Variants in USF2 observed in about 807,000 individuals in gnomAD.
The protein encoded by USF2 is upstream transcription factor 2, c-fos interacting.
In USF2, 16 loss-of-function variants were observed where a neutral mutation model predicts 46.9. The observed-to-expected ratio is 0.34, with a 90% CI of 0.23 to 0.52. The LOEUF (loss-of-function observed/expected upper bound fraction) is 0.52. Ranked by LOEUF, USF2 falls within the 20% of genes least tolerant of loss-of-function variation. The pLI, the probability that USF2 is intolerant of heterozygous loss-of-function variation, is 0.96. For synonymous variants in USF2, 239 were observed against 194.1 expected (o/e 1.23, Z -1.92); for missense variants, 411 against 474.0 (o/e 0.87, Z 1.23).
At position 35,279,201 on chromosome 19, in the gene USF2, G is replaced by A. The variant is rs755152354; in HGVS notation, c.986G>A (p.Arg329Gln). Reference sequence around the variant, plus strand: ...CTGAAGAATGAGAACGCCCTGCTTCGAGCCCAGCTGCAGCAGCACAACCTG... The same window carrying A: ...CTGAAGAATGAGAACGCCCTGCTTCAAGCCCAGCTGCAGCAGCACAACCTG... Reference protein sequence around the residue: ...EELKNENALLRAQLQQHNLEM... With the variant: ...EELKNENALLQAQLQQHNLEM... Residue 329 changes from arginine (R) to glutamine (Q), a missense_variant, in exon 10 of 10, where the codon CGA becomes CAA. Physicochemically the swap from Arg to Gln is conservative, Grantham distance 43. This residue lies in a region of USF2 where 93 missense variants were observed against 151.6 expected (regional missense o/e 0.61). Transcript: ENST00000222305. 1.0e-5 allele frequency: 16 copies of A among 1,597,612 alleles called. No homozygotes were observed. Among genetic ancestry groups the A allele is most frequent in the South Asian group, 5.6e-5 (5 of 89,194 alleles).
intron 6 of USF2, 120 bp downstream of exon 6, chr19:35,270,925 C>A: frequency 7.0e-7 from 1 of 1,433,016 alleles, no homozygotes; most frequent in Non-Finnish European, 9.7e-7. Context: ...TTTTCTTTGC[C>A]TGTTTCTGCT....
intron 7 of USF2, among the ~76,000 whole-genome samples, chr19:35,276,678 C>T (rs2066238024): frequency 6.6e-6 from 1 of 152,216 alleles, no homozygotes; most frequent in Non-Finnish European, 1.5e-5. Flanking sequence ...CAGCTGCCTG[C>T]CTTAGAGTCT....
At chr19:35,272,496 G>A (rs961088028) in intron 7 of USF2, among the ~76,000 whole-genome samples, 6 of 152,186 alleles carry the variant, frequency 3.9e-5, no homozygotes, top group African/African-American at 1.2e-4. Flanking sequence ...CCGCCATGGT[G>A]TGTCTGCAGA....
Position 35,269,861 on chromosome 19 carries a change from C to G in USF2, c.287C>G (p.Ala96Gly). The change falls in exon 4 of 10, where the codon GCT becomes GGT. Residue 96 changes from alanine to glycine, a missense_variant. Physicochemically the swap from Ala to Gly is moderately conservative, Grantham distance 60. Transcript: ENST00000222305. ...DGQLDGQGDT[A>G]GAVSVVSTAA... Reference sequence around the variant, plus strand: ...CAGCTGGACGGCCAGGGCGACACAGCTGGCGCCGTCAGCGTCGTGTCCACC... The same window carrying G: ...CAGCTGGACGGCCAGGGCGACACAGGTGGCGCCGTCAGCGTCGTGTCCACC... 1 of 1,426,062 alleles carries G rather than the reference C, an allele frequency of 7.0e-7. No homozygotes were observed. The highest frequency in any genetic ancestry group is 9.1e-7 in the Non-Finnish European group (1 of 1,098,568). 88.3% of individuals were successfully genotyped at this position (1,426,062 alleles called of 1,614,324 possible).
chr19:35,279,386 AAAC>A lies in USF2; in HGVS notation c.*131_*133del, dbSNP rs2066280427. The stretch of plus-strand genomic sequence containing the variant: ...TTTTTTATAGTAGATTTTTAACAAA[AAAC>A]GGGGAGAAATAATGCATTTCTGTGG... On this transcript the variant is annotated 3_prime_UTR_variant, in exon 10 of 10. Coordinates refer to ENST00000222305, the MANE Select transcript of USF2 (RefSeq NM_003367.4). 9.6e-7 allele frequency: 1 copy of A among 1,047,022 alleles called. No homozygotes were observed. Among genetic ancestry groups the A allele is most frequent in the Non-Finnish European group, 1.3e-6 (1 of 765,638 alleles). The allele number at this position is 1,047,022 out of a possible 1,614,324, so 64.9% of individuals were successfully genotyped here.
chr19:35,279,201 G>T lies in USF2; in HGVS notation c.986G>T (p.Arg329Leu), dbSNP rs755152354. The change falls in exon 10 of 10, where the codon CGA becomes CTA. Residue 329 changes from arginine to leucine, a missense_variant. By Grantham distance (102) the Arg-to-Leu change is moderately radical (BLOSUM62 -2). Around this residue, in one of 2 missense-constraint regions of USF2, gnomAD observed 93 missense variants for 151.6 expected, o/e 0.61. Coordinates refer to ENST00000222305, the MANE Select transcript of USF2 (RefSeq NM_003367.4). Reference protein sequence around the residue: ...EELKNENALLRAQLQQHNLEM... With the variant: ...EELKNENALLLAQLQQHNLEM... ...CTGAAGAATGAGAACGCCCTGCTTC[G>T]AGCCCAGCTGCAGCAGCACAACCTG... 1.9e-6 allele frequency: 3 copies of T among 1,597,730 alleles called. No homozygotes were observed. Among genetic ancestry groups the T allele is most frequent in the Non-Finnish European group, 2.6e-6 (3 of 1,171,914 alleles).
chr19:35,269,174 C>A lies in USF2; in HGVS notation c.62+11C>A. ...TGCTGCCGCCGCCAGGTAAGATCCCCGGCCCGGCCGTGCCCCCGCGCCCCG... is the reference window on the plus strand; with the variant it reads ...TGCTGCCGCCGCCAGGTAAGATCCCAGGCCCGGCCGTGCCCCCGCGCCCCG... On this transcript the variant is annotated intron_variant, in intron 1 of 9. Coordinates refer to ENST00000222305, the MANE Select transcript of USF2 (RefSeq NM_003367.4). The A allele has an allele frequency of 9.9e-7, 1 of 1,007,388 alleles. No individual in the cohort carries two copies. Among genetic ancestry groups the A allele is most frequent in the Non-Finnish European group, 1.2e-6 (1 of 847,286 alleles). The allele number at this position is 1,007,388 out of a possible 1,614,324, so 62.4% of individuals were successfully genotyped here.
In USF2 at chr19:35,279,270, C is replaced by T. The variant is rs761778241; in HGVS notation, c.*14C>T. 38 of 1,502,476 alleles carry T rather than the reference C, an allele frequency of 2.5e-5. 1 individual carries two copies. Among genetic ancestry groups the T allele is most frequent in the East Asian group, 2.5e-4 (10 of 40,616 alleles). 93.1% of individuals were successfully genotyped at this position (1,502,476 alleles called of 1,614,324 possible). ...ACCCGGCAGTGACGCCCGCCACCAC[C>T]ACGCAGCCGCCGCCGCCCACGCCGG... is the stretch of plus-strand genomic sequence containing the variant. On this transcript the variant is annotated 3_prime_UTR_variant, in exon 10 of 10. Transcript: ENST00000222305.
At chr19:35,278,829 C>T (rs368247549) in intron 8 of USF2, 37 bp downstream of exon 8, 11 of 1,612,088 alleles carry the variant, frequency 6.8e-6, no homozygotes, top group African/African-American at 2.7e-5. Flanking sequence ...GCGGTGGTCC[C>T]GGCCCCCGAC....
rs1194718968 is a variant in USF2 at position 35,269,948 on chromosome 19, G to T, written c.374G>T (p.Arg125Leu). ...TQVGVDGAAQRPGPAAASVPP... is the reference protein window; with the variant it reads ...TQVGVDGAAQLPGPAAASVPP... ...GTGGGTGTGGACGGGGCAGCCCAGC[G>T]CCCGGGCCCCGCCGCTGCCTCTGTG... The change falls in exon 4 of 10, where the codon CGC becomes CTC. Residue 125 changes from arginine (R) to leucine (L), a missense_variant. By Grantham distance (102) the Arg-to-Leu change is moderately radical. Coordinates refer to ENST00000222305, the MANE Select transcript of USF2 (RefSeq NM_003367.4). The T allele has an allele frequency of 7.4e-7, 1 of 1,343,198 alleles. No individual in the cohort carries two copies. Among genetic ancestry groups the T allele is most frequent in the Non-Finnish European group, 9.5e-7 (1 of 1,054,096 alleles). 83.2% of individuals were successfully genotyped at this position (1,343,198 alleles called of 1,614,324 possible). A position where few individuals can be genotyped will look rare whatever the true frequency, so the allele number is the denominator to read the frequency against.
At position 35,270,708 on chromosome 19, in the gene USF2, C is replaced by T. The variant is rs772098697; in HGVS notation, c.581-10C>T. 57 of 1,613,994 alleles carry T rather than the reference C, an allele frequency of 3.5e-5. No individual in the cohort carries two copies. Among genetic ancestry groups the T allele is most frequent in the Non-Finnish European group, 4.5e-5 (53 of 1,180,004 alleles). On this transcript the variant is annotated splice_polypyrimidine_tract_variant and intron_variant, in intron 5 of 9. Transcript: ENST00000222305. The stretch of plus-strand genomic sequence containing the variant: ...CCTGCCTTGCCACTAACCCCCCACT[C>T]TCCCTGCAGGCCAGTTCTACGTCAT...
chr19:35,269,499 G>A lies in USF2; in HGVS notation c.109+7G>A, dbSNP rs2145566120. On this transcript the variant is annotated splice_region_variant and intron_variant, in intron 2 of 9. Transcript: ENST00000222305. Reference sequence around the variant, plus strand: ...GGCGTCGAGCTGCAGGAAGGTGAGTGCTTGCCGGGCCGGCCGCGCCCGGGG... The same window carrying A: ...GGCGTCGAGCTGCAGGAAGGTGAGTACTTGCCGGGCCGGCCGCGCCCGGGG... 1 of 1,549,676 alleles carries A rather than the reference G, an allele frequency of 6.5e-7. No individual in the cohort carries two copies. The highest frequency in any genetic ancestry group is 1.4e-5 in the African/African-American group (1 of 70,590).
rs563307201 is a variant in USF2 at position 35,270,758 on chromosome 19, G to T, written c.621G>T (p.Gln207His). The T allele has an allele frequency of 1.2e-5, 20 of 1,614,148 alleles. No homozygotes were observed. The highest frequency in any genetic ancestry group is 1.2e-4 in the Admixed American group (7 of 60,028). Residue 207 changes from glutamine (Q) to histidine (H), a missense_variant, in exon 6 of 10, where the codon CAG (glutamine) becomes CAT (histidine). Around this residue, in one of 2 missense-constraint regions of USF2, gnomAD observed 318 missense variants for 322.4 expected, o/e 0.99. Coordinates refer to ENST00000222305, the MANE Select transcript of USF2 (RefSeq NM_003367.4). Reference protein sequence around the residue: ...YVMMTPQDVLQTGTQRTIAPR... With the variant: ...YVMMTPQDVLHTGTQRTIAPR... ...TGATGACGCCCCAGGATGTGCTTCAGACAGGAACACAGAGGACGATCGCCC... is the reference window on the plus strand; with the variant it reads ...TGATGACGCCCCAGGATGTGCTTCATACAGGAACACAGAGGACGATCGCCC...
In USF2 at chr19:35,270,760, C is replaced by T; in HGVS notation, c.623C>T (p.Thr208Ile). ...VMMTPQDVLQ[T>I]GTQRTIAPRT... ...ATGACGCCCCAGGATGTGCTTCAGA[C>T]AGGAACACAGAGGACGATCGCCCCC... The change falls in exon 6 of 10, where the codon ACA (threonine) becomes ATA (isoleucine). Residue 208 changes from threonine to isoleucine, a missense_variant. Coordinates refer to ENST00000222305, the MANE Select transcript of USF2 (RefSeq NM_003367.4). 1 of 1,614,114 alleles carries T rather than the reference C, an allele frequency of 6.2e-7. No homozygotes were observed. The highest frequency in any genetic ancestry group is 8.5e-7 in the Non-Finnish European group (1 of 1,180,028).
intron 7 of USF2, chr19:35,278,013 C>G (rs955842943): frequency 6.6e-6 from 1 of 152,226 alleles, no homozygotes. Flanking sequence ...GTAAAACCTT[C>G]TATGAGTTGC....
Position 35,269,636 on chromosome 19 carries a change from G to T in USF2, c.165G>T (p.Gln55His). Residue 55 changes from glutamine (Q) to histidine (H), a missense_variant, in exon 3 of 10, where the codon CAG becomes CAT. By Grantham distance (24) the Gln-to-His change is conservative (BLOSUM62 0). Transcript: ENST00000222305. ...EQTAVAITSV[Q>H]QAAFGDHNIQ... Reference sequence around the variant, plus strand: ...CAGCGGTGGCCATCACCAGCGTCCAGCAGGCGGCGTTCGGCGACCACAACA... The same window carrying T: ...CAGCGGTGGCCATCACCAGCGTCCATCAGGCGGCGTTCGGCGACCACAACA... 6.3e-7 allele frequency: 1 copy of T among 1,596,404 alleles called. No individual in the cohort carries two copies. The highest frequency in any genetic ancestry group is 8.5e-7 in the Non-Finnish European group (1 of 1,171,958).
At chr19:35,271,218 CAGAG>C (rs2066151918) in intron 7 of USF2, 77 bp downstream of exon 7, 14 of 1,572,398 alleles carry the variant, frequency 8.9e-6, no homozygotes, top group Admixed American at 3.6e-5. Flanking sequence ...TGTGGAGTGA[CAGAG>C]AGAGAAGCCA....
rs1439152883 is a variant in USF2 at position 35,270,560 on chromosome 19, G to A, written c.543G>A (p.Val181=). ...CCAGTGTGGGAGATACTACGGCTGT[G>A]TCCGTACAGACCACAGACCAGAGCT... ...PASSVGDTTA[V]SVQTTDQSLQ... The change falls in exon 5 of 10, where the codon GTG becomes GTA. Residue 181 remains valine, a synonymous_variant. Coordinates refer to ENST00000222305, the MANE Select transcript of USF2 (RefSeq NM_003367.4). 1.2e-6 allele frequency: 2 copies of A among 1,614,162 alleles called. No individual in the cohort carries two copies. Among genetic ancestry groups the A allele is most frequent in the South Asian group, 1.1e-5 (1 of 91,088 alleles).
At chr19:35,275,782 G>C (rs929309163) in intron 7 of USF2, 1 of 152,130 alleles carries the variant, frequency 6.6e-6, no homozygotes, top group Admixed American at 6.5e-5. Context: ...TATGATTTCA[G>C]TTCCTTGAAA....
Sources: allele counts gnomAD v4.1 joint callset (sites outside exome capture counted in the v4.1 genomes callset), GRCh38; gene constraint gnomAD v4.1.1; regional missense constraint gnomAD v4.1.1; transcripts MANE v1.5; gene names NCBI Gene and HGNC (gene_info 2026-07-23, HGNC 2026-07-21).